CELF2: variants seen among roughly 807,000 people sequenced by gnomAD.
The protein encoded by CELF2 is CUG triplet repeat RNA-binding protein 2.
Under a neutral mutation model 62.6 loss-of-function variants are expected in CELF2, and 8 were observed. That is an observed-to-expected ratio of 0.13 (90% confidence interval 0.07 to 0.23). The LOEUF (loss-of-function observed/expected upper bound fraction) is 0.23. CELF2 is among the 10% of genes least tolerant of loss of function. CELF2 has a pLI of 1.00. For missense variants in CELF2, 333 were observed against 671.0 expected (o/e 0.50, Z 5.56); for synonymous variants, 258 against 250.0 (o/e 1.03, Z -0.30).
At chr10:10,771,976 A>G in the CELF2 span, among the ~76,000 whole-genome samples, 1 of 152,182 alleles carries the variant, frequency 6.6e-6, no homozygotes, top group Non-Finnish European at 1.5e-5. Context: ...TCAACCTGCT[A>G]TTTGTTTCTC....
chr10:10,482,860 C>T, the CELF2 span, among the ~76,000 whole-genome samples: 1 of 152,126 alleles, frequency 6.6e-6, no homozygotes, highest in Non-Finnish European at 1.5e-5. Flanking sequence ...TACTGGATGA[C>T]AAAGGACGCC....
At chr10:10,855,338 G>A (rs1013157433) in intron 1 of CELF2, among the ~76,000 whole-genome samples, 1 of 152,202 alleles carries the variant, frequency 6.6e-6, no homozygotes. Flanking sequence ...TGACACTGCT[G>A]TCACCTAGGA....
chr10:10,562,683 C>T, the CELF2 span, among the ~76,000 whole-genome samples: 1 of 151,550 alleles, frequency 6.6e-6, no homozygotes, highest in Non-Finnish European at 1.5e-5. Flanking sequence ...GCTTTGACCC[C>T]TCACAGTTTC....
chr10:10,737,980 A>G, the CELF2 span, among the ~76,000 whole-genome samples: 5 of 152,208 alleles, frequency 3.3e-5, no homozygotes, highest in Non-Finnish European at 7.3e-5. Flanking sequence ...ATCATCTGAC[A>G]TCAAGCTCAA....
chr10:11,205,204 A>G (rs527467021), intron 2 of CELF2, among the ~76,000 whole-genome samples: 2 of 152,324 alleles, frequency 1.3e-5, no homozygotes, highest in East Asian at 1.9e-4. Flanking sequence ...TCTAAGCCCT[A>G]TTAAAGGGCT....
At chr10:10,589,192 T>A in the CELF2 span, among the ~76,000 whole-genome samples, 1 of 152,182 alleles carries the variant, frequency 6.6e-6, no homozygotes, top group African/African-American at 2.4e-5. Flanking sequence ...TCAAAGATTT[T>A]CCGCTGGGCA....
the CELF2 span, among the ~76,000 whole-genome samples, chr10:10,569,068 A>T: frequency 6.6e-6 from 1 of 152,202 alleles, no homozygotes; most frequent in Non-Finnish European, 1.5e-5. Flanking sequence ...CAGAGCAGAA[A>T]ACTATGGCAG....
At chr10:10,985,811 G>A (rs1564313741) in intron 2 of CELF2, among the ~76,000 whole-genome samples, 1 of 152,148 alleles carries the variant, frequency 6.6e-6, no homozygotes, top group Non-Finnish European at 1.5e-5. Flanking sequence ...CACAAAGCTG[G>A]GTCTGCACGT....
At chr10:11,182,677 A>G (rs1008501087) in intron 2 of CELF2, among the ~76,000 whole-genome samples, 1 of 152,100 alleles carries the variant, frequency 6.6e-6, no homozygotes, top group Non-Finnish European at 1.5e-5. Context: ...TCTCCCTACC[A>G]CCCCATGTTT....
At chr10:10,548,773 G>A in the CELF2 span, among the ~76,000 whole-genome samples, 1 of 151,896 alleles carries the variant, frequency 6.6e-6, no homozygotes, top group Non-Finnish European at 1.5e-5. Flanking sequence ...ATTTTGCCTT[G>A]GATTTTAAAA....
chr10:10,577,298 T>G, the CELF2 span, among the ~76,000 whole-genome samples: 2 of 152,104 alleles, frequency 1.3e-5, no homozygotes, highest in African/African-American at 2.4e-5. Flanking sequence ...CTTCAGTTCC[T>G]GACAGGACTG....
At chr10:10,538,600 C>A in the CELF2 span, among the ~76,000 whole-genome samples, 4 of 152,164 alleles carry the variant, frequency 2.6e-5, no homozygotes, top group Non-Finnish European at 5.9e-5. Flanking sequence ...CCTGCCCAAA[C>A]AACCCACCCT....
chr10:11,082,432 A>G (rs1265653134), intron 1 of CELF2, among the ~76,000 whole-genome samples: 3 of 152,178 alleles, frequency 2.0e-5, no homozygotes, highest in African/African-American at 7.2e-5. Context: ...ACAGAAACGT[A>G]CTGATGGCTG....
At chr10:10,468,287 T>C in the CELF2 span, among the ~76,000 whole-genome samples, 1 of 151,996 alleles carries the variant, frequency 6.6e-6, no homozygotes, top group South Asian at 2.1e-4. Flanking sequence ...GGCTTGAGCA[T>C]CCCCATAAAA....
the CELF2 span, among the ~76,000 whole-genome samples, chr10:10,556,631 T>C: frequency 6.6e-6 from 1 of 152,246 alleles, no homozygotes; most frequent in East Asian, 1.9e-4. Context: ...ATGGTTGAAC[T>C]AGTTTACAGT....
At position 11,290,046 on chromosome 10, in the gene CELF2, G is replaced by A. The variant is rs1184189463; in HGVS notation, c.976+1494G>A. ...CATTTTGGAGCATCTTCAGTCCAAA[G>A]GAGGCTTGACAGTTTAAGAAGCCAA... is the stretch of plus-strand genomic sequence containing the variant. On this transcript the variant is annotated intron_variant, in intron 9 of 12. Coordinates refer to ENST00000633077, the MANE Select transcript of CELF2 (RefSeq NM_001326342.2). The surrounding 1 kb of genome is among the most constrained non-coding windows in gnomAD (Gnocchi z 4.3). Among the ~76,000 whole-genome samples, 1 of 152,134 alleles carries A rather than the reference G, an allele frequency of 6.6e-6. No homozygotes were observed. Among genetic ancestry groups the A allele is most frequent in the African/African-American group, 2.4e-5 (1 of 41,420 alleles).
chr10:11,189,002 T>C (rs569852530), intron 2 of CELF2, among the ~76,000 whole-genome samples: 1 of 152,344 alleles, frequency 6.6e-6, no homozygotes, highest in African/African-American at 2.4e-5. Flanking sequence ...TCTGCTTGTC[T>C]TGTGGAACAT....
At chr10:10,513,304 A>G in the CELF2 span, among the ~76,000 whole-genome samples, 1 of 152,056 alleles carries the variant, frequency 6.6e-6, no homozygotes, top group Non-Finnish European at 1.5e-5. Context: ...CAACCACATC[A>G]TCTTCCCATC....
chr10:10,470,341 G>A, the CELF2 span, among the ~76,000 whole-genome samples: 1 of 151,674 alleles, frequency 6.6e-6, no homozygotes, highest in South Asian at 2.1e-4. Flanking sequence ...AATCTTAGTG[G>A]CTTAAACTAT....
Sources: gnomAD v4.1 joint callset for allele counts (sites outside exome capture counted in the v4.1 genomes callset) on GRCh38, gnomAD v4.1.1 for gene constraint, Gnocchi (gnomAD v3.1) non-coding constraint, MANE v1.5 for transcripts, NCBI Gene and HGNC (gene_info 2026-07-23, HGNC 2026-07-21) for gene names.